The following TSNARE1 variants were observed in gnomAD, a reference collection of about 807,000 sequenced individuals.
The protein encoded by TSNARE1 is t-SNARE domain-containing protein 1.
TSNARE1 carries 49 observed loss-of-function variants against 62.0 expected under a neutral mutation model. That is an observed-to-expected ratio of 0.79 (90% confidence interval 0.63 to 1.00). The LOEUF is 1.00. TSNARE1 is among the 50% of genes least tolerant of loss of function. TSNARE1 has a pLI of 0.00. For missense variants in TSNARE1, 755 were observed against 700.1 expected (o/e 1.08, Z -0.88); for synonymous variants, 328 against 294.4 (o/e 1.11, Z -1.17).
intron 10 of TSNARE1, among the ~76,000 whole-genome samples, chr8:142,295,503 T>C (rs983130363): frequency 6.6e-6 from 1 of 152,156 alleles, no homozygotes; most frequent in African/African-American, 2.4e-5. Flanking sequence ...CCCAGCACCA[T>C]GGAGAGGGCC....
At chr8:142,396,096 A>G (rs1837876945) in intron 1 of TSNARE1, among the ~76,000 whole-genome samples, 1 of 151,824 alleles carries the variant, frequency 6.6e-6, no homozygotes, top group Non-Finnish European at 1.5e-5. Flanking sequence ...CCCTCAGAAC[A>G]CTGGCCCTCA....
chr8:142,340,936 G>A (rs752573399), intron 4 of TSNARE1, among the ~76,000 whole-genome samples: 11 of 152,268 alleles, frequency 7.2e-5, no homozygotes, highest in Non-Finnish European at 1.3e-4. Flanking sequence ...GGGGCAGTGT[G>A]TACTGGCTTC....
chr8:142,342,336 G>A (rs1294511769), intron 4 of TSNARE1, among the ~76,000 whole-genome samples: 6 of 152,222 alleles, frequency 3.9e-5, no homozygotes, highest in African/African-American at 1.4e-4. Context: ...GTCCAGGTGG[G>A]GCTGGGAGCA....
At chr8:142,394,395 T>C (rs576541797) in intron 1 of TSNARE1, among the ~76,000 whole-genome samples, 1 of 152,190 alleles carries the variant, frequency 6.6e-6, no homozygotes, top group East Asian at 1.9e-4. Flanking sequence ...CAGAATCTTT[T>C]CTCCAAACAC....
At chr8:142,326,349 G>T (rs1830259437) in intron 6 of TSNARE1, 1 of 118,130 alleles carries the variant, frequency 8.5e-6, no homozygotes. Flanking sequence ...TGAGGAACCA[G>T]CATCAGCGAA....
At position 142,270,228 on chromosome 8, in the gene TSNARE1, C is replaced by A. The variant is rs376706465; in HGVS notation, c.1446+4553G>T. 1.4e-5 allele frequency: 14 copies of A among 985,136 alleles called. No homozygotes were observed. The African/African-American group carries it at 2.1e-4, about 15-fold the overall frequency. The allele number at this position is 985,136 out of a possible 1,614,324, so 61.0% of individuals were successfully genotyped here. ...ATGTGGCAGCCCCGCCAAGGGATCT[C>A]CCAAGAGTCAAAGGAGGTAATGGAG... On this transcript the variant is annotated intron_variant, in intron 12 of 13. Coordinates refer to ENST00000524325, the MANE Select transcript of TSNARE1 (RefSeq NM_145003.5).
intron 6 of TSNARE1, chr8:142,326,366 G>A (rs570594120): frequency 9.3e-6 from 1 of 107,836 alleles, no homozygotes; most frequent in Admixed American, 8.7e-5. Context: ...CGAAGGGGAG[G>A]GCCCCAGAGA....
Position 142,273,277 on chromosome 8 carries a change from C to T in TSNARE1, c.1446+1504G>A, listed in dbSNP as rs78380014. ...CTTCTGACCAGGTGATCCCAGGGTG[C>T]TCAGGAGGGGTCATCTTGCTGGCTG... On this transcript the variant is annotated intron_variant, in intron 12 of 13. Transcript: ENST00000524325. 1.5e-3 allele frequency: 1,469 copies of T among 985,432 alleles called. 14 individuals are homozygous for T. In the African/African-American group the frequency reaches 0.024, roughly 16 times the overall value. The allele number at this position is 985,432 out of a possible 1,614,324, so 61.0% of individuals were successfully genotyped here. A position where few individuals can be genotyped will look rare whatever the true frequency, so the allele number is the denominator to read the frequency against.
At chr8:142,235,151 G>T (rs1048188912) in intron 12 of TSNARE1, among the ~76,000 whole-genome samples, 2 of 152,132 alleles carry the variant, frequency 1.3e-5, no homozygotes, top group African/African-American at 4.8e-5. Context: ...GAGCGCCCTG[G>T]GTGCTGGTGC....
rs138905064 is a variant in TSNARE1 at position 142,333,444 on chromosome 8, C to T, written c.746-1613G>A. Among the ~76,000 whole-genome samples the T allele has an allele frequency of 3.8e-3, 580 of 152,240 alleles. 1 individual carries two copies. The highest frequency in any genetic ancestry group is 0.013 in the African/African-American group (528 of 41,534). The stretch of plus-strand genomic sequence containing the variant: ...ATATTAAAATTTTTAAATAAAAGAA[C>T]GTGGTTTGAGGTCTACAAACAGGTG... On this transcript the variant is annotated intron_variant, in intron 4 of 13. Transcript: ENST00000524325.
intron 12 of TSNARE1, among the ~76,000 whole-genome samples, chr8:142,252,169 G>C (rs950991272): frequency 1.3e-5 from 2 of 152,272 alleles, no homozygotes; most frequent in Non-Finnish European, 2.9e-5. Flanking sequence ...TTGAGAGAGA[G>C]CTTGTTTGAT....
chr8:142,333,426 A>C (rs1428024623), intron 4 of TSNARE1, among the ~76,000 whole-genome samples: 3 of 152,156 alleles, frequency 2.0e-5, no homozygotes, highest in Non-Finnish European at 4.4e-5. Flanking sequence ...TCCATATTAA[A>C]ATTTTTAAAT....
intron 4 of TSNARE1, among the ~76,000 whole-genome samples, chr8:142,332,739 G>A (rs995962947): frequency 1.3e-5 from 2 of 152,090 alleles, no homozygotes; most frequent in African/African-American, 4.8e-5. Context: ...AGCATCTTGG[G>A]CATTTACACA....
At chr8:142,325,128 G>A (rs1830013837) in intron 6 of TSNARE1, among the ~76,000 whole-genome samples, 1 of 152,254 alleles carries the variant, frequency 6.6e-6, no homozygotes, top group African/African-American at 2.4e-5. Context: ...GGTGGCCAGG[G>A]CGAGTGGGCC....
In TSNARE1 at chr8:142,300,609, A is replaced by G. The variant is rs1345454033; in HGVS notation, c.1167T>C (p.Asp389=). ...PQAPFAELAD[D]EKVFNGSDNM... ...TGTCACTCCCGTTAAAGACCTTCTC[A>G]TCATCAGCCAGCTCGGCAAACGGGG... Residue 389 remains aspartate, a synonymous_variant, in exon 10 of 14, where the codon GAT becomes GAC. Coordinates refer to ENST00000524325, the MANE Select transcript of TSNARE1 (RefSeq NM_145003.5). 6.2e-7 allele frequency: 1 copy of G among 1,612,556 alleles called. No individual in the cohort carries two copies. Among genetic ancestry groups the G allele is most frequent in the Non-Finnish European group, 8.5e-7 (1 of 1,179,064 alleles).
intron 13 of TSNARE1, among the ~76,000 whole-genome samples, chr8:142,227,712 G>A (rs1275804303): frequency 6.6e-6 from 1 of 152,238 alleles, no homozygotes; most frequent in Non-Finnish European, 1.5e-5. Flanking sequence ...GAGACCCCAG[G>A]GATGCGAAAC....
At chr8:142,237,733 C>G (rs1817502582) in intron 12 of TSNARE1, among the ~76,000 whole-genome samples, 1 of 152,154 alleles carries the variant, frequency 6.6e-6, no homozygotes, top group African/African-American at 2.4e-5. Flanking sequence ...TGGAGTCATG[C>G]GGTCCCACCA....
At chr8:142,276,245 T>C (rs1023198905) in intron 11 of TSNARE1, 1 of 985,264 alleles carries the variant, frequency 1.0e-6, no homozygotes, top group Non-Finnish European at 1.2e-6. Context: ...AAGCACCCCT[T>C]TGCTCACTTG....
In TSNARE1 at chr8:142,300,449, TG is replaced by T. The variant is rs774745131; in HGVS notation, c.1290+36del. ...CTCTGGTTCCCAGCCTCATGTGGAG[TG>T]TGGAGAGTGAGCACGCTTGCCCACG... On this transcript the variant is annotated intron_variant, in intron 10 of 13. Transcript: ENST00000524325. The T allele has an allele frequency of 1.4e-4, 222 of 1,571,614 alleles. 1 individual carries two copies. Among genetic ancestry groups the T allele is most frequent in the Non-Finnish European group, 1.8e-4 (208 of 1,161,388 alleles).
Sources: gnomAD v4.1 joint callset for allele counts (sites outside exome capture counted in the v4.1 genomes callset) on GRCh38, gnomAD v4.1.1 for gene constraint, MANE v1.5 for transcripts, NCBI Gene and HGNC (gene_info 2026-07-23, HGNC 2026-07-21) for gene names.